OPTN: variants seen among roughly 807,000 people sequenced by gnomAD.
The protein encoded by OPTN is E3-14.7K-interacting protein.
A neutral mutation model predicts 70.4 loss-of-function variants in OPTN; 54 were observed. The observed-to-expected ratio is 0.77, with a 90% CI of 0.62 to 0.96. OPTN has a LOEUF of 0.96. Ranked by LOEUF, OPTN falls within the 40% of genes least tolerant of loss-of-function variation. OPTN has a pLI of 0.00. For synonymous variants in OPTN, 256 were observed against 248.5 expected (o/e 1.03, Z -0.28); for missense variants, 624 against 673.2 (o/e 0.93, Z 0.81).
In OPTN at chr10:13,117,292, G is replaced by C. The variant is rs1478084407; in HGVS notation, c.626+952G>C. 2.0e-5 allele frequency among the ~76,000 whole-genome samples: 3 copies of C among 151,748 alleles called. No individual in the cohort carries two copies. The South Asian group carries it at 6.3e-4, about 32-fold the overall frequency. ...AGATGGGGTTTCACCGTGTTAGCCA[G>C]GATGGTCTCGATCTCCTGACCTCGT... On this transcript the variant is annotated intron_variant, in intron 6 of 14. Transcript: ENST00000378747.
At chr10:13,115,154 ATTTATATATAGATATATCTATAT>A in intron 5 of OPTN, among the ~76,000 whole-genome samples, 1 of 86,850 alleles carries the variant, frequency 1.2e-5, no homozygotes, top group African/African-American at 4.4e-5. Flanking sequence ...ATATCTATAT[ATTTATATATAGATATATCTATAT>A]TTTATATATA....
At chr10:13,133,703 C>CCGT in intron 14 of OPTN, 122 bp downstream of exon 14, 1 of 818,736 alleles carries the variant, frequency 1.2e-6, no homozygotes, top group Non-Finnish European at 2.0e-6. Context: ...AATATAGCAC[C>CCGT]CGTCAGTCTC....
intron 4 of OPTN, among the ~76,000 whole-genome samples, chr10:13,111,101 C>T (rs987802955): frequency 3.3e-5 from 5 of 152,084 alleles, no homozygotes; most frequent in African/African-American, 4.8e-5. Context: ...CCCCACTGGG[C>T]GTGGTTTGTT....
At chr10:13,115,444 A>AAT (rs559468048) in intron 5 of OPTN, among the ~76,000 whole-genome samples, 1,448 of 102,200 alleles carry the variant, frequency 0.014, 96 homozygotes, top group African/African-American at 0.062. Flanking sequence ...GAATATATAT[A>AAT]ATATATTCTA....
chr10:13,128,369 A>C (rs1833514000), intron 12 of OPTN, among the ~76,000 whole-genome samples: 1 of 150,914 alleles, frequency 6.6e-6, no homozygotes, highest in Non-Finnish European at 1.5e-5. Flanking sequence ...ATTTTCCTTT[A>C]ACCACTCTGG....
intron 12 of OPTN, among the ~76,000 whole-genome samples, chr10:13,130,303 T>C (rs1000815401): frequency 3.3e-5 from 5 of 151,630 alleles, no homozygotes; most frequent in Admixed American, 6.6e-5. Flanking sequence ...CGGGCACCTG[T>C]AGTCCCAGCT....
chr10:13,133,588 C>T lies in OPTN; in HGVS notation c.1612+7C>T, dbSNP rs763098717. The T allele has an allele frequency of 2.5e-6, 4 of 1,612,442 alleles. No homozygotes were observed. The South Asian group carries it at 4.4e-5, about 18-fold the overall frequency. On this transcript the variant is annotated splice_region_variant and intron_variant, in intron 14 of 14. Transcript: ENST00000378747. ...GCTTACCTTGTTCAAAGAGGTGAGT[C>T]CCGTGTGATCCTGGATTTTCAGGAA...
chr10:13,118,830 C>T (rs1833277487), intron 6 of OPTN, 58 bp from the exon 7 acceptor site: 1 of 1,477,996 alleles, frequency 6.8e-7, no homozygotes, highest in South Asian at 1.1e-5. Flanking sequence ...TTGGGTTACT[C>T]TCTTCTTAGT....
intron 5 of OPTN, 101 bp from the exon 6 acceptor site, chr10:13,116,166 T>G (rs1205109875): frequency 1.2e-6 from 1 of 809,772 alleles, no homozygotes; most frequent in Non-Finnish European, 2.2e-6. Context: ...TTCCTTGGGT[T>G]GCATGTCACA....
In OPTN at chr10:13,124,076, G is replaced by A. The variant is rs523747; in HGVS notation, c.964G>A (p.Glu322Lys). 1.7e-3 allele frequency: 2,806 copies of A among 1,612,072 alleles called. 18 individuals are homozygous for A. The African/African-American group carries it at 0.022, about 13-fold the overall frequency. Residue 322 changes from glutamate to lysine, a missense_variant, in exon 9 of 15, where the codon GAA (glutamate) becomes AAA (lysine). Transcript: ENST00000378747. ...TCAAGAGGCTCATACAAAACTCAGC[G>A]AAGCTGAGCTAATGAAGAAGAGACT... The part of the protein sequence containing the change: ...ELQEAHTKLS[E>K]AELMKKRLQE...
intron 7 of OPTN, among the ~76,000 whole-genome samples, chr10:13,121,610 C>T (rs1160603659): frequency 1.3e-5 from 2 of 150,362 alleles, no homozygotes; most frequent in Non-Finnish European, 1.5e-5. Context: ...CCTTTGTCAT[C>T]ACTTCAGAGG....
intron 7 of OPTN, among the ~76,000 whole-genome samples, chr10:13,121,435 ATAGTCTTGC>A (rs1260554848): frequency 1.4e-5 from 2 of 145,998 alleles, no homozygotes; most frequent in Admixed American, 7.1e-5. Flanking sequence ...CATCGCAGAG[ATAGTCTTGC>A]TGCTTCTTTT....
chr10:13,117,318 G>A (rs1833236855), intron 6 of OPTN, among the ~76,000 whole-genome samples: 1 of 151,458 alleles, frequency 6.6e-6, no homozygotes, highest in Admixed American at 6.6e-5. Flanking sequence ...CTGACCTCGT[G>A]ATCTGCCCGC....
intron 11 of OPTN, 64 bp downstream of exon 11, chr10:13,126,103 A>T (rs891751855): frequency 6.2e-6 from 6 of 971,136 alleles, no homozygotes; most frequent in Non-Finnish European, 9.9e-6. Flanking sequence ...AACGTTTTGT[A>T]TATAAAATAG....
At chr10:13,103,124 A>T (rs1476744474) in intron 1 of OPTN, among the ~76,000 whole-genome samples, 2 of 152,098 alleles carry the variant, frequency 1.3e-5, no homozygotes, top group Admixed American at 1.3e-4. Context: ...CGAAGTCACA[A>T]TATCCCTTCT....
Position 13,108,301 on chromosome 10 carries a change from A to G in OPTN, c.-12+12A>G, listed in dbSNP as rs542461161. 4 of 152,352 alleles carry G rather than the reference A, an allele frequency of 2.6e-5. 1 individual carries two copies. In the East Asian group the frequency reaches 7.7e-4, roughly 29 times the overall value. The allele number at this position is 152,352 out of a possible 1,614,324, so 9.4% of individuals were successfully genotyped here. A position where few individuals can be genotyped will look rare whatever the true frequency, so the allele number is the denominator to read the frequency against. On this transcript the variant is annotated intron_variant, in intron 2 of 14. Coordinates refer to ENST00000378747, the MANE Select transcript of OPTN (RefSeq NM_001008212.2). ...TGAGTCCGCACATAGTAAGCATTCA[A>G]AGAATGTTAATTCTCCCTTTCTTCT...
At chr10:13,133,629 A>T (rs755697024) in intron 14 of OPTN, 48 bp downstream of exon 14, 1 of 1,543,798 alleles carries the variant, frequency 6.5e-7, no homozygotes, top group Non-Finnish European at 9.0e-7. Context: ...TATCCTATGA[A>T]AAAGATGCTT....
chr10:13,103,259 C>G (rs927199369), intron 1 of OPTN, among the ~76,000 whole-genome samples: 16 of 152,204 alleles, frequency 1.1e-4, no homozygotes, highest in Non-Finnish European at 2.1e-4. Context: ...AACCCAAACT[C>G]TTCATAGCAT....
rs554816103 is a variant in OPTN at position 13,115,522 on chromosome 10, C to T, written c.553-745C>T. ...TAATATAGAATATATATAATATATT[C>T]TATAATATATAATATAGAATATATT... is the stretch of plus-strand genomic sequence containing the variant. On this transcript the variant is annotated intron_variant, in intron 5 of 14. Coordinates refer to ENST00000378747, the MANE Select transcript of OPTN (RefSeq NM_001008212.2). 1.8e-4 allele frequency among the ~76,000 whole-genome samples: 17 copies of T among 92,794 alleles called. 1 individual carries two copies. The South Asian group carries it at 4.8e-3, about 26-fold the overall frequency. The allele number at this position is 92,794 out of a possible 152,430, so 60.9% of individuals were successfully genotyped here. A position where few individuals can be genotyped will look rare whatever the true frequency, so the allele number is the denominator to read the frequency against.
Sources: gnomAD v4.1 joint callset for allele counts (sites outside exome capture counted in the v4.1 genomes callset) on GRCh38, gnomAD v4.1.1 for gene constraint, MANE v1.5 for transcripts, NCBI Gene and HGNC (gene_info 2026-07-23, HGNC 2026-07-21) for gene names.